LYST: variants seen among roughly 807,000 people sequenced by gnomAD.
The protein encoded by LYST is lysosomal trafficking regulator.
Under a neutral mutation model 413.6 loss-of-function variants are expected in LYST, and 192 were observed. The ratio of observed to expected loss-of-function variants is 0.46; its 90% CI spans 0.41 to 0.52. The LOEUF (loss-of-function observed/expected upper bound fraction) is 0.52, where lower values mean the gene tolerates loss of function less well. Among genes scored for constraint, LYST ranks in the 20% least tolerant of loss-of-function variants. LYST has a pLI of 0.00. For synonymous variants in LYST, 1,525 were observed against 1,567.3 expected (o/e 0.97, Z 0.64); for missense variants, 3,815 against 4,499.9 (o/e 0.85, Z 4.35).
intron 39 of LYST, 141 bp from the exon 40 acceptor site, chr1:235,721,046 G>A (rs953093682): frequency 2.6e-6 from 2 of 775,672 alleles, no homozygotes; most frequent in African/African-American, 1.7e-5. Context: ...TAACATTAAT[G>A]GGTAGAGAAC....
At chr1:235,738,382 C>T (rs1572109376) in intron 31 of LYST, 3 of 1,613,082 alleles carry the variant, frequency 1.9e-6, no homozygotes, top group Non-Finnish European at 1.7e-6. Context: ...TAAAATACAG[C>T]CCGAACTGCA....
At position 235,734,515 on chromosome 1, in the gene LYST, T is replaced by C. The variant is rs371442404; in HGVS notation, c.8503A>G (p.Thr2835Ala). 8.1e-6 allele frequency: 13 copies of C among 1,613,806 alleles called. No individual in the cohort carries two copies. The highest frequency in any genetic ancestry group is 1.1e-5 in the Non-Finnish European group (13 of 1,179,718). ...GHKCIPPSAS[T>A]KADLIKMIKE... ...ATCATTTTAATAAGGTCTGCTTTTG[T>C]TGATGCACTGGGAGGGATGCACTTG... The change falls in exon 32 of 53, where the codon ACA (threonine) becomes GCA (alanine). Residue 2835 changes from threonine to alanine, a missense_variant. Physicochemically the swap from Thr to Ala is moderately conservative, Grantham distance 58 (BLOSUM62 0). This residue lies in a region of LYST where 771 missense variants were observed against 837.1 expected (regional missense o/e 0.92). Coordinates refer to ENST00000389793, the MANE Select transcript of LYST (RefSeq NM_000081.4).
chr1:235,762,862 A>T lies in LYST; in HGVS notation c.6122-11T>A. 6.2e-7 allele frequency: 1 copy of T among 1,612,260 alleles called. No individual in the cohort carries two copies. On this transcript the variant is annotated splice_polypyrimidine_tract_variant and intron_variant, in intron 21 of 52. Transcript: ENST00000389793. ...GAAAGATCTTGCCATCTAGAATCCA[A>T]ATTTTTTTTGAAACAGCAAAATTTT...
intron 4 of LYST, among the ~76,000 whole-genome samples, chr1:235,811,749 G>T (rs1437146484): frequency 6.6e-6 from 1 of 152,076 alleles, no homozygotes; most frequent in East Asian, 1.9e-4. Context: ...CAGATGGGAA[G>T]AGGAGAAATT....
chr1:235,675,133 G>C (rs1315722730), intron 50 of LYST, among the ~76,000 whole-genome samples: 1 of 152,216 alleles, frequency 6.6e-6, no homozygotes, highest in Non-Finnish European at 1.5e-5. Flanking sequence ...AGGGGGAAAA[G>C]TGTCAGAAAT....
At chr1:235,770,355 T>C in intron 19 of LYST, 58 bp from the exon 20 acceptor site, 1 of 1,490,810 alleles carries the variant, frequency 6.7e-7, no homozygotes, top group Non-Finnish European at 9.4e-7. Context: ...TGCAGCATGC[T>C]TTTTGGAAGA....
chr1:235,842,899 C>T (rs1677375078), intron 1 of LYST, among the ~76,000 whole-genome samples: 1 of 152,120 alleles, frequency 6.6e-6, no homozygotes, highest in Non-Finnish European at 1.5e-5. Context: ...AGCTATCACC[C>T]TCAGTCTTGT....
At chr1:235,714,608 T>G (rs1232840584) in intron 42 of LYST, among the ~76,000 whole-genome samples, 1 of 152,200 alleles carries the variant, frequency 6.6e-6, no homozygotes, top group Non-Finnish European at 1.5e-5. Flanking sequence ...ATCACCGTTC[T>G]CATTAGAAAC....
chr1:235,830,739 A>G (rs1334729544), intron 2 of LYST, among the ~76,000 whole-genome samples: 1 of 152,208 alleles, frequency 6.6e-6, no homozygotes, highest in Non-Finnish European at 1.5e-5. Context: ...TACAATAAAA[A>G]TAAACCCATT....
intron 29 of LYST, among the ~76,000 whole-genome samples, chr1:235,746,005 G>A (rs148662988): frequency 2.4e-4 from 36 of 152,232 alleles, no homozygotes; most frequent in Non-Finnish European, 4.3e-4. Context: ...CTACAGTTCT[G>A]CAAGATTCAT....
At chr1:235,806,817 A>G (rs1672896186) in intron 5 of LYST, 45 bp from the exon 6 acceptor site, 3 of 1,255,432 alleles carry the variant, frequency 2.4e-6, no homozygotes, top group Non-Finnish European at 3.5e-6. Flanking sequence ...ATAAAGAAAC[A>G]TCATTTATAA....
chr1:235,781,209 TG>T (rs1669841261), intron 15 of LYST, among the ~76,000 whole-genome samples, 154 bp from the exon 16 acceptor site: 1 of 152,222 alleles, frequency 6.6e-6, no homozygotes, highest in South Asian at 2.1e-4. Context: ...TCGAAATTGG[TG>T]TAACGAGAAA....
chr1:235,751,448 T>A lies in LYST; in HGVS notation c.7628-86A>T, dbSNP rs974035963. On this transcript the variant is annotated intron_variant, in intron 27 of 52. Transcript: ENST00000389793. ...CTGATTTTATGTATCATGACAATAA[T>A]GTTTTGATATAAATTTTTAAATTTT... The A allele has an allele frequency of 4.1e-5, 48 of 1,181,942 alleles. No individual in the cohort carries two copies. The African/African-American group carries it at 7.2e-4, about 18-fold the overall frequency. 73.2% of individuals were successfully genotyped at this position (1,181,942 alleles called of 1,614,324 possible). A position where few individuals can be genotyped will look rare whatever the true frequency, so the allele number is the denominator to read the frequency against.
At position 235,753,114 on chromosome 1, in the gene LYST, T is replaced by C; in HGVS notation, c.7390A>G (p.Met2464Val). Reference protein sequence around the residue: ...ILNSCSKVADMLLDNGLLYVL... With the variant: ...ILNSCSKVADVLLDNGLLYVL... ...TAGAGTAGACCATTATCCAGCAACA[T>C]ATCTGCTACCTTAGAACAAGAATTT... The change falls in exon 26 of 53, where the codon ATG (methionine) becomes GTG (valine). Residue 2464 changes from methionine (M) to valine (V), a missense_variant. Met to Val is a conservative substitution (Grantham distance 21, BLOSUM62 1). Coordinates refer to ENST00000389793, the MANE Select transcript of LYST (RefSeq NM_000081.4). 5.0e-6 allele frequency: 8 copies of C among 1,609,324 alleles called. No individual in the cohort carries two copies. The highest frequency in any genetic ancestry group is 6.8e-6 in the Non-Finnish European group (8 of 1,175,946).
intron 15 of LYST, among the ~76,000 whole-genome samples, chr1:235,781,706 T>C (rs2103479491): frequency 6.6e-6 from 1 of 152,204 alleles, no homozygotes; most frequent in South Asian, 2.1e-4. Flanking sequence ...CACAACTAGA[T>C]TACAAAAACG....
chr1:235,770,392 G>C, intron 19 of LYST, 95 bp from the exon 20 acceptor site: 2 of 1,070,590 alleles, frequency 1.9e-6, no homozygotes, highest in Non-Finnish European at 2.9e-6. Flanking sequence ...ATTTAACATT[G>C]TGTATATATT....
intron 10 of LYST, 23 bp downstream of exon 10, chr1:235,800,297 T>C: frequency 7.0e-7 from 1 of 1,421,608 alleles, no homozygotes; most frequent in South Asian, 1.1e-5. Context: ...TCAGAGCTAT[T>C]GTTTAAAACA....
intron 42 of LYST, 49 bp from the exon 43 acceptor site, chr1:235,712,246 AT>A: frequency 1.5e-6 from 2 of 1,305,188 alleles, no homozygotes; most frequent in Non-Finnish European, 2.2e-6. Flanking sequence ...ACCTAATTCT[AT>A]TTGAGGCCTA....
At chr1:235,768,806 G>A (rs1668382918) in intron 20 of LYST, among the ~76,000 whole-genome samples, 1 of 152,010 alleles carries the variant, frequency 6.6e-6, no homozygotes, top group Non-Finnish European at 1.5e-5. Flanking sequence ...AAATTTTGAG[G>A]AAAACTGATG....
Sources: allele counts gnomAD v4.1 joint callset (sites outside exome capture counted in the v4.1 genomes callset), GRCh38; gene constraint gnomAD v4.1.1; regional missense constraint gnomAD v4.1.1; transcripts MANE v1.5; gene names NCBI Gene and HGNC (gene_info 2026-07-23, HGNC 2026-07-21).